The following BMAL1 variants were observed in gnomAD, a reference collection of about 807,000 sequenced individuals.
The protein encoded by BMAL1 is basic helix-loop-helix ARNT like 1, also known as basic helix-loop-helix ARNT-like protein 1.
chr11:13,381,397 G>A, the BMAL1 span: 4 of 784,002 alleles, frequency 5.1e-6, no homozygotes, highest in Non-Finnish European at 8.4e-6. Flanking sequence ...TCTGTGTGAG[G>A]CTGGATACAA....
the BMAL1 span, among the ~76,000 whole-genome samples, chr11:13,346,380 G>A: frequency 6.6e-6 from 1 of 152,212 alleles, no homozygotes; most frequent in African/African-American, 2.4e-5. Context: ...CCAGGGAAAG[G>A]AGAGAGTCAC....
the BMAL1 span, among the ~76,000 whole-genome samples, chr11:13,350,911 ATT>A: frequency 3.9e-5 from 6 of 152,260 alleles, no homozygotes; most frequent in Non-Finnish European, 8.8e-5. Context: ...AAGAATTAAT[ATT>A]CTTAGTATAC....
chr11:13,370,427 CAG>C, the BMAL1 span, among the ~76,000 whole-genome samples: 1 of 152,192 alleles, frequency 6.6e-6, no homozygotes, highest in African/African-American at 2.4e-5. Context: ...TTGGATATCT[CAG>C]GGGAGTCTCC....
chr11:13,382,575 C>G, the BMAL1 span, among the ~76,000 whole-genome samples: 1 of 151,990 alleles, frequency 6.6e-6, no homozygotes, highest in Admixed American at 6.6e-5. Flanking sequence ...GTTATACCTC[C>G]AGGTCCTTCC....
chr11:13,315,896 T>TC, the BMAL1 span, among the ~76,000 whole-genome samples: 1 of 152,086 alleles, frequency 6.6e-6, no homozygotes, highest in Non-Finnish European at 1.5e-5. Flanking sequence ...AGCCCAGGCC[T>TC]CCCCCTTTCT....
chr11:13,341,704 A>G, the BMAL1 span, among the ~76,000 whole-genome samples: 1 of 152,210 alleles, frequency 6.6e-6, no homozygotes, highest in East Asian at 1.9e-4. Context: ...AAGGAGTATT[A>G]CTCCCTGAGT....
chr11:13,367,706 G>GAAAA, the BMAL1 span, among the ~76,000 whole-genome samples: 922 of 85,586 alleles, frequency 0.011, 22 homozygotes, highest in African/African-American at 0.041. Context: ...CTCTGTCTCA[G>GAAAA]AAAAAAAAAA....
chr11:13,380,224 A>G, the BMAL1 span: 1 of 152,196 alleles, frequency 6.6e-6, no homozygotes, highest in Non-Finnish European at 1.5e-5. Flanking sequence ...AGAATACATG[A>G]TATGTAGTTG....
chr11:13,284,258 ATATATATATTTTTTT>A, the BMAL1 span, among the ~76,000 whole-genome samples: 2 of 24,352 alleles, frequency 8.2e-5, no homozygotes, highest in African/African-American at 1.9e-4. Flanking sequence ...ATATATATAT[ATATATATATTTTTTT>A]TTTTAATGCC....
At chr11:13,339,148 C>G in the BMAL1 span, among the ~76,000 whole-genome samples, 7 of 152,234 alleles carry the variant, frequency 4.6e-5, no homozygotes, top group African/African-American at 1.7e-4. Context: ...GGAGTCACCC[C>G]CATGTCTAGA....
At chr11:13,331,989 G>A in the BMAL1 span, among the ~76,000 whole-genome samples, 3 of 152,126 alleles carry the variant, frequency 2.0e-5, no homozygotes, top group African/African-American at 4.8e-5. Flanking sequence ...AGGCTGTAGC[G>A]GCTAGCATGG....
At chr11:13,307,385 G>T in the BMAL1 span, among the ~76,000 whole-genome samples, 1 of 152,206 alleles carries the variant, frequency 6.6e-6, no homozygotes, top group South Asian at 2.1e-4. Flanking sequence ...CACTGATGAG[G>T]CCTAAGCTAG....
chr11:13,368,485 A>AT, the BMAL1 span, among the ~76,000 whole-genome samples: 1 of 152,186 alleles, frequency 6.6e-6, no homozygotes, highest in Non-Finnish European at 1.5e-5. Flanking sequence ...GGACACAGTG[A>AT]AGAGCTCTGA....
At chr11:13,368,109 G>A in the BMAL1 span, among the ~76,000 whole-genome samples, 1 of 152,202 alleles carries the variant, frequency 6.6e-6, no homozygotes, top group African/African-American at 2.4e-5. Context: ...GCTTTTTTAA[G>A]TGACCTTAGG....
At chr11:13,360,569 G>A in the BMAL1 span, 4,406 of 685,254 alleles carry the variant, frequency 6.4e-3, 116 homozygotes, top group East Asian at 0.033. Flanking sequence ...TTATCTTATT[G>A]TTTGGACAGG....
At chr11:13,378,222 CAACTCTGATGTTG>C in the BMAL1 span, 6 of 1,365,400 alleles carry the variant, frequency 4.4e-6, no homozygotes, top group Non-Finnish European at 5.8e-6. Flanking sequence ...CCTCAAGGCA[CAACTCTGATGTTG>C]AACTGCAAAT....
the BMAL1 span, chr11:13,355,187 G>C: frequency 1.3e-5 from 20 of 1,566,490 alleles, no homozygotes; most frequent in South Asian, 2.0e-4. Flanking sequence ...AATCTCCGAG[G>C]AGGTATACCC....
At chr11:13,341,174 A>C in the BMAL1 span, among the ~76,000 whole-genome samples, 81 of 152,092 alleles carry the variant, frequency 5.3e-4, no homozygotes, top group African/African-American at 1.9e-3. Flanking sequence ...CTCTTCTGCC[A>C]GGAAGGTCCC....
the BMAL1 span, among the ~76,000 whole-genome samples, chr11:13,382,138 C>CT: frequency 6.6e-6 from 1 of 152,088 alleles, no homozygotes; most frequent in African/African-American, 2.4e-5. Context: ...GGGATAGTTG[C>CT]TAAGGAGAGA....
Sources: allele counts gnomAD v4.1 joint callset (sites outside exome capture counted in the v4.1 genomes callset), GRCh38; gene constraint gnomAD v4.1.1; transcripts MANE v1.5; gene names NCBI Gene and HGNC (gene_info 2026-07-23, HGNC 2026-07-21).